STXBP4: variants seen among roughly 807,000 people sequenced by gnomAD.
STXBP4 encodes the protein syntaxin binding protein 4, also known as syntaxin-binding protein 4.
Under a neutral mutation model 76.1 loss-of-function variants are expected in STXBP4, and 55 were observed. That is an observed-to-expected ratio of 0.72 (90% CI 0.58 to 0.91). The LOEUF is 0.91. Among genes scored for constraint, STXBP4 ranks in the 40% least tolerant of loss-of-function variants. The pLI is 0.00. For synonymous variants in STXBP4, 201 were observed against 220.2 expected, an observed-to-expected ratio of 0.91 and a Z score of 0.77; for missense variants, 618 against 636.9, an observed-to-expected ratio of 0.97 and a Z score of 0.32.
intron 17 of STXBP4, among the ~76,000 whole-genome samples, chr17:55,146,038 T>C (rs970509180): frequency 2.0e-5 from 3 of 152,204 alleles, no homozygotes; most frequent in East Asian, 1.9e-4. Flanking sequence ...TACAGATTTA[T>C]AGTAGTCTTT....
chr17:55,158,021 A>T (rs1320009497), intron 17 of STXBP4, among the ~76,000 whole-genome samples: 1 of 152,222 alleles, frequency 6.6e-6, no homozygotes, highest in Admixed American at 6.5e-5. Context: ...CAATTATGTC[A>T]AACTTATTTG....
intron 10 of STXBP4, among the ~76,000 whole-genome samples, chr17:55,035,386 A>C (rs903552554): frequency 6.6e-6 from 1 of 151,934 alleles, no homozygotes; most frequent in African/African-American, 2.4e-5. Context: ...AAGAAAATTC[A>C]TGCATTATCC....
At chr17:55,014,114 G>A (rs2144585111) in intron 8 of STXBP4, among the ~76,000 whole-genome samples, 1 of 152,258 alleles carries the variant, frequency 6.6e-6, no homozygotes, top group South Asian at 2.1e-4. Flanking sequence ...TAGACCTTGG[G>A]CTTTTAGGTC....
intron 17 of STXBP4, among the ~76,000 whole-genome samples, chr17:55,155,270 C>T (rs1361314705): frequency 6.6e-6 from 1 of 151,976 alleles, no homozygotes; most frequent in Non-Finnish European, 1.5e-5. Flanking sequence ...GGTTTGGTTA[C>T]TTTTTAATAA....
At chr17:55,105,468 C>CTTTT (rs778376430) in intron 16 of STXBP4, among the ~76,000 whole-genome samples, 2 of 108,100 alleles carry the variant, frequency 1.9e-5, no homozygotes, top group Non-Finnish European at 4.1e-5. Context: ...TCTTTCTTTT[C>CTTTT]TTTTTTTTTT....
chr17:55,141,067 A>T (rs1281650402), intron 16 of STXBP4, among the ~76,000 whole-genome samples: 1 of 152,196 alleles, frequency 6.6e-6, no homozygotes, highest in Non-Finnish European at 1.5e-5. Flanking sequence ...CATGTAAATG[A>T]CAAGTCATAA....
At chr17:55,060,708 A>C (rs1268494517) in intron 12 of STXBP4, among the ~76,000 whole-genome samples, 2 of 152,186 alleles carry the variant, frequency 1.3e-5, no homozygotes, top group African/African-American at 4.8e-5. Context: ...TGTGTCTTAC[A>C]GAATAACCGA....
chr17:55,097,075 A>C (rs566263750), intron 16 of STXBP4, among the ~76,000 whole-genome samples: 7 of 152,290 alleles, frequency 4.6e-5, no homozygotes, highest in African/African-American at 1.7e-4. Flanking sequence ...AAAATGTGAG[A>C]CCTTATCCAA....
At chr17:55,104,131 C>A (rs931185592) in intron 16 of STXBP4, among the ~76,000 whole-genome samples, 1 of 152,028 alleles carries the variant, frequency 6.6e-6, no homozygotes, top group African/African-American at 2.4e-5. Flanking sequence ...TTTCTCTTGC[C>A]TGATTTTCCT....
intron 16 of STXBP4, among the ~76,000 whole-genome samples, chr17:55,126,097 G>A (rs999572063): frequency 6.6e-6 from 1 of 152,128 alleles, no homozygotes. Context: ...TAAATGACCT[G>A]CCAAAACAAA....
chr17:55,097,175 G>A (rs1567760222), intron 16 of STXBP4, among the ~76,000 whole-genome samples: 1 of 55,420 alleles, frequency 1.8e-5, no homozygotes, highest in Non-Finnish European at 3.1e-5. Flanking sequence ...AATAACTGCA[G>A]AATCTAATGA....
chr17:55,018,912 C>T (rs1252155764), intron 8 of STXBP4, among the ~76,000 whole-genome samples: 1 of 152,174 alleles, frequency 6.6e-6, no homozygotes, highest in East Asian at 1.9e-4. Context: ...TGTATACGTG[C>T]AGGTCACTGG....
At chr17:55,075,425 C>A (rs2079170045) in intron 13 of STXBP4, among the ~76,000 whole-genome samples, 1 of 151,990 alleles carries the variant, frequency 6.6e-6, no homozygotes, top group African/African-American at 2.4e-5. Context: ...TGTAATTATC[C>A]ATTCTGCATT....
chr17:55,007,852 G>A (rs775418725), intron 8 of STXBP4, among the ~76,000 whole-genome samples: 6 of 151,986 alleles, frequency 3.9e-5, no homozygotes, highest in Non-Finnish European at 7.4e-5. Flanking sequence ...TTTTCTCCTC[G>A]GAGAATAAGA....
the STXBP4 span, among the ~76,000 whole-genome samples, chr17:55,192,968 T>G: frequency 1.3e-5 from 2 of 152,216 alleles, no homozygotes; most frequent in African/African-American, 2.4e-5. Context: ...GCGATCTCTC[T>G]GACTGCAAAT....
chr17:54,978,570 A>G (rs2077503209), intron 1 of STXBP4, among the ~76,000 whole-genome samples: 1 of 152,328 alleles, frequency 6.6e-6, no homozygotes, highest in South Asian at 2.1e-4. Flanking sequence ...TAGCAAATGA[A>G]GATGAAAGAA....
At chr17:55,136,610 T>G (rs2080030974) in intron 16 of STXBP4, among the ~76,000 whole-genome samples, 1 of 152,096 alleles carries the variant, frequency 6.6e-6, no homozygotes, top group South Asian at 2.1e-4. Context: ...GACATCACAT[T>G]GGTAGCTCGA....
chr17:55,154,350 G>C (rs1316916283), intron 17 of STXBP4, among the ~76,000 whole-genome samples: 1 of 152,198 alleles, frequency 6.6e-6, no homozygotes, highest in African/African-American at 2.4e-5. Flanking sequence ...TGCCTAGGCA[G>C]CTGCCACCTG....
At chr17:55,062,171 T>A (rs1420819096) in intron 12 of STXBP4, among the ~76,000 whole-genome samples, 1 of 152,050 alleles carries the variant, frequency 6.6e-6, no homozygotes, top group Non-Finnish European at 1.5e-5. Flanking sequence ...ACACGTGCCA[T>A]GGTGGTTTGC....
Sources: allele counts gnomAD v4.1 joint callset (sites outside exome capture counted in the v4.1 genomes callset), GRCh38; gene constraint gnomAD v4.1.1; transcripts MANE v1.5; gene names NCBI Gene and HGNC (gene_info 2026-07-23, HGNC 2026-07-21).